The following CDH4 variants were observed in gnomAD, a reference collection of about 807,000 sequenced individuals.
CDH4 encodes cadherin 4.
Under a neutral mutation model 86.0 loss-of-function variants are expected in CDH4, and 33 were observed. That is an observed-to-expected ratio of 0.38 (90% CI 0.29 to 0.51). The LOEUF (loss-of-function observed/expected upper bound fraction) is 0.51, where lower values mean the gene tolerates loss of function less well. Ranked by LOEUF, CDH4 falls within the 20% of genes least tolerant of loss-of-function variation. CDH4 has a pLI of 0.86. For synonymous variants in CDH4, 555 were observed against 549.4 expected, an observed-to-expected ratio of 1.01 and a Z score of -0.14; for missense variants, 1,114 against 1,307.4, an observed-to-expected ratio of 0.85 and a Z score of 2.28.
Position 61,294,258 on chromosome 20 carries a change from C to G in CDH4, c.169+39321C>G, listed in dbSNP as rs562071754. On this transcript the variant is annotated intron_variant, in intron 2 of 15. Coordinates refer to ENST00000614565, the MANE Select transcript of CDH4 (RefSeq NM_001794.5). ...CTGGTTCCCTGAGCTGGGGTCTGCA[C>G]CGGGGCCAGGGCTGCTGACCTGCTA... Among the ~76,000 whole-genome samples the G allele has an allele frequency of 3.3e-4, 51 of 152,320 alleles. No homozygotes were observed. The South Asian group carries it at 0.011, about 32-fold the overall frequency.
intron 4 of CDH4, among the ~76,000 whole-genome samples, chr20:61,832,263 T>C (rs934702943): frequency 6.6e-6 from 1 of 152,178 alleles, no homozygotes; most frequent in Non-Finnish European, 1.5e-5. Flanking sequence ...CTCAAGGGCT[T>C]GTGAGCTGTG....
intron 2 of CDH4, among the ~76,000 whole-genome samples, chr20:61,615,969 C>T (rs1458982888): frequency 1.3e-5 from 2 of 152,340 alleles, no homozygotes; most frequent in East Asian, 3.9e-4. Context: ...GCAGAGCGGG[C>T]CCCCGTGAAG....
intron 2 of CDH4, among the ~76,000 whole-genome samples, chr20:61,396,088 G>A (rs1394936750): frequency 1.3e-5 from 2 of 152,160 alleles, no homozygotes; most frequent in Non-Finnish European, 1.5e-5. Context: ...AGGCCCATCC[G>A]TCGTGCCGTC....
At chr20:61,860,284 C>T (rs1218500749) in intron 6 of CDH4, among the ~76,000 whole-genome samples, 1 of 152,258 alleles carries the variant, frequency 6.6e-6, no homozygotes, top group Non-Finnish European at 1.5e-5. Flanking sequence ...CCAGATTCCT[C>T]AGAGCACCGA....
intron 4 of CDH4, among the ~76,000 whole-genome samples, chr20:61,785,643 C>T (rs973310178): frequency 6.6e-6 from 1 of 151,586 alleles, no homozygotes; most frequent in Non-Finnish European, 1.5e-5. Flanking sequence ...AGAGCCCCCA[C>T]CCAGGTGTGT....
chr20:61,715,512 A>G (rs966348026), intron 2 of CDH4, among the ~76,000 whole-genome samples: 2 of 152,196 alleles, frequency 1.3e-5, no homozygotes, highest in African/African-American at 4.8e-5. Flanking sequence ...CACTCCTTCC[A>G]TAACAAGCCC....
chr20:61,915,810 G>A (rs940483578), intron 9 of CDH4, among the ~76,000 whole-genome samples: 6 of 152,290 alleles, frequency 3.9e-5, no homozygotes, highest in Admixed American at 1.3e-4. Context: ...CACCTTGGCC[G>A]TGGGGCTGGC....
chr20:61,901,710 A>G (rs1408176601), intron 8 of CDH4, among the ~76,000 whole-genome samples: 2 of 152,242 alleles, frequency 1.3e-5, no homozygotes, highest in Admixed American at 1.3e-4. Context: ...AGGCCTCATT[A>G]GGACCAGCCG....
chr20:61,760,031 C>G (rs978433109), intron 3 of CDH4, among the ~76,000 whole-genome samples: 1 of 152,232 alleles, frequency 6.6e-6, no homozygotes, highest in Non-Finnish European at 1.5e-5. Flanking sequence ...AACCTCCTTT[C>G]TTCTGCTAGA....
intron 13 of CDH4, 149 bp from the exon 14 acceptor site, chr20:61,932,836 T>C: frequency 9.6e-7 from 1 of 1,037,524 alleles, no homozygotes; most frequent in Non-Finnish European, 1.4e-6. Context: ...GACATGCGCG[T>C]GTGCAGTACA....
intron 2 of CDH4, among the ~76,000 whole-genome samples, chr20:61,624,458 A>G (rs969242075): frequency 1.3e-5 from 2 of 152,210 alleles, no homozygotes; most frequent in Admixed American, 6.5e-5. Flanking sequence ...CTTAGCTCAC[A>G]GCAAGGAACC....
intron 2 of CDH4, among the ~76,000 whole-genome samples, chr20:61,309,618 GAA>G (rs756943066): frequency 6.6e-6 from 1 of 152,214 alleles, no homozygotes; most frequent in African/African-American, 2.4e-5. Context: ...ACAAAACTTT[GAA>G]AAGTTTCCCC....
intron 2 of CDH4, among the ~76,000 whole-genome samples, chr20:61,426,005 T>C (rs547315236): frequency 6.6e-6 from 1 of 152,250 alleles, no homozygotes; most frequent in African/African-American, 2.4e-5. Context: ...GCAGTTCACA[T>C]GCAACAAATA....
intron 2 of CDH4, among the ~76,000 whole-genome samples, chr20:61,644,494 A>G (rs1191060973): frequency 6.6e-6 from 1 of 152,190 alleles, no homozygotes; most frequent in African/African-American, 2.4e-5. Flanking sequence ...GATACTTGCA[A>G]TAAAGGAGCC....
In CDH4 at chr20:61,754,902, A is replaced by G. The variant is rs531853241; in HGVS notation, c.396+11113A>G. The G allele has an allele frequency of 1.3e-5, 2 of 152,072 alleles. No individual in the cohort carries two copies. Among genetic ancestry groups the G allele is most frequent in the African/African-American group, 4.8e-5 (2 of 41,314 alleles). The allele number at this position is 152,072 out of a possible 1,614,324, so 9.4% of individuals were successfully genotyped here. A position where few individuals can be genotyped will look rare whatever the true frequency, so the allele number is the denominator to read the frequency against. On this transcript the variant is annotated intron_variant, in intron 3 of 15. Transcript: ENST00000614565. This position sits in a 1 kb window ranked among gnomAD's most constrained non-coding sequence, Gnocchi z 4.7. ...CACATATACCCTGCACATACCACAC[A>G]CAGAGTGCGTGCCTGTATTAGTCCG...
chr20:61,301,016 C>T (rs941595295), intron 2 of CDH4, among the ~76,000 whole-genome samples: 3 of 152,222 alleles, frequency 2.0e-5, no homozygotes, highest in Non-Finnish European at 2.9e-5. Context: ...ACTCACCCCA[C>T]GGTTAATCCC....
intron 2 of CDH4, among the ~76,000 whole-genome samples, chr20:61,284,456 AAC>A (rs1568781638): frequency 6.6e-6 from 1 of 152,202 alleles, no homozygotes; most frequent in African/African-American, 2.4e-5. Context: ...TCCACCTACA[AAC>A]ACAGCTTCTG....
chr20:61,418,848 C>T (rs2085161587), intron 2 of CDH4, among the ~76,000 whole-genome samples: 1 of 152,120 alleles, frequency 6.6e-6, no homozygotes, highest in Non-Finnish European at 1.5e-5. Flanking sequence ...CCCCCACACC[C>T]CCGCATCCCT....
intron 2 of CDH4, among the ~76,000 whole-genome samples, chr20:61,662,604 G>A (rs1020690344): frequency 6.6e-6 from 1 of 152,202 alleles, no homozygotes; most frequent in Non-Finnish European, 1.5e-5. Flanking sequence ...GGAGGACTGG[G>A]GCGTGAGGAA....
Sources: gnomAD v4.1 joint callset for allele counts (sites outside exome capture counted in the v4.1 genomes callset) on GRCh38, gnomAD v4.1.1 for gene constraint, Gnocchi (gnomAD v3.1) non-coding constraint, MANE v1.5 for transcripts, NCBI Gene and HGNC (gene_info 2026-07-23, HGNC 2026-07-21) for gene names.